The following GBE1 variants were observed in gnomAD, a reference collection of about 807,000 sequenced individuals.
The protein encoded by GBE1 is 1,4-alpha-glucan branching enzyme 1.
In GBE1, 70 loss-of-function variants were observed where a neutral mutation model predicts 88.8. That is an observed-to-expected ratio of 0.79 (90% CI 0.65 to 0.96). The LOEUF is 0.96. Ranked by LOEUF, GBE1 falls within the 40% of genes least tolerant of loss-of-function variation. The probability of loss-of-function intolerance (pLI) is 0.00; values close to 1 mark genes in which losing one functional copy is unlikely to be tolerated. For missense variants in GBE1, 872 were observed against 871.0 expected, an observed-to-expected ratio of 1.00 and a Z score of -0.01; for synonymous variants, 284 against 300.1, an observed-to-expected ratio of 0.95 and a Z score of 0.56.
At chr3:81,687,422 G>C (rs1331010520) in intron 2 of GBE1, among the ~76,000 whole-genome samples, 3 of 152,104 alleles carry the variant, frequency 2.0e-5, no homozygotes, top group Admixed American at 1.3e-4. Flanking sequence ...AATATATAGA[G>C]ATATTTTTAA....
At chr3:81,710,325 C>G (rs1465563010) in intron 1 of GBE1, among the ~76,000 whole-genome samples, 2 of 145,704 alleles carry the variant, frequency 1.4e-5, no homozygotes, top group African/African-American at 5.1e-5. Flanking sequence ...AGCTCCGCCT[C>G]CCAGGTTCAC....
chr3:81,679,137 A>G (rs924796216), intron 2 of GBE1, among the ~76,000 whole-genome samples: 2 of 152,182 alleles, frequency 1.3e-5, no homozygotes, highest in African/African-American at 4.8e-5. Flanking sequence ...ATTATTCTAC[A>G]GAGTAAAATA....
At chr3:81,599,467 A>C (rs1704003477) in intron 7 of GBE1, among the ~76,000 whole-genome samples, 1 of 152,162 alleles carries the variant, frequency 6.6e-6, no homozygotes, top group African/African-American at 2.4e-5. Flanking sequence ...CTTAGATGGG[A>C]GAGCCTACTA....
At chr3:81,511,905 C>T (rs115637240) in intron 14 of GBE1, among the ~76,000 whole-genome samples, 126 of 150,580 alleles carry the variant, frequency 8.4e-4, no homozygotes, top group Middle Eastern at 7.0e-3. Flanking sequence ...GTATGTTTAT[C>T]ACAATACGAT....
intron 11 of GBE1, among the ~76,000 whole-genome samples, chr3:81,580,379 T>A (rs1703709306): frequency 6.6e-6 from 1 of 152,088 alleles, no homozygotes; most frequent in Non-Finnish European, 1.5e-5. Flanking sequence ...ACAACTAATT[T>A]TTCCCTACAT....
chr3:81,515,473 G>A (rs182483976), intron 14 of GBE1, among the ~76,000 whole-genome samples: 63 of 151,492 alleles, frequency 4.2e-4, no homozygotes, highest in African/African-American at 1.2e-3. Context: ...CCTACTGGCC[G>A]TTCCCTTGTC....
At chr3:81,546,554 T>G (rs111778809) in intron 12 of GBE1, among the ~76,000 whole-genome samples, 1 of 151,122 alleles carries the variant, frequency 6.6e-6, no homozygotes, top group Non-Finnish European at 1.5e-5. Flanking sequence ...CAGATTGCAG[T>G]AAAGAAGCCA....
intron 12 of GBE1, among the ~76,000 whole-genome samples, chr3:81,541,412 TA>T (rs11359773): frequency 0.27 from 40,576 of 150,592 alleles, 5,710 homozygotes; most frequent in East Asian, 0.44. Flanking sequence ...CACATGCTTA[TA>T]ATCTACAGCA....
intron 1 of GBE1, among the ~76,000 whole-genome samples, chr3:81,737,754 TTTTG>T (rs1310714023): frequency 4.6e-5 from 7 of 152,108 alleles, no homozygotes; most frequent in East Asian, 3.8e-4. Flanking sequence ...ATTTTTTTAT[TTTTG>T]TTTATTATTA....
At chr3:81,519,060 T>C (rs958766392) in intron 14 of GBE1, among the ~76,000 whole-genome samples, 2 of 151,586 alleles carry the variant, frequency 1.3e-5, no homozygotes, top group African/African-American at 4.8e-5. Context: ...TTTTATTTGT[T>C]GCAAAAAGCA....
intron 1 of GBE1, among the ~76,000 whole-genome samples, chr3:81,758,432 G>C (rs1206285578): frequency 6.6e-6 from 1 of 152,222 alleles, no homozygotes; most frequent in Non-Finnish European, 1.5e-5. Flanking sequence ...GTAAGAAATA[G>C]TGCATAGTTC....
rs991554924 is a variant in GBE1, at chr3:81,693,529, G to A, written c.313+11915C>T. ...TAGGAAGAAACCATCCATTTCCTCC[G>A]CTAGAAGAGAAGGTTATTGTCCCTC... On this transcript the variant is annotated intron_variant, in intron 2 of 15. Coordinates refer to ENST00000429644, the MANE Select transcript of GBE1 (RefSeq NM_000158.4). 4.1e-4 allele frequency among the ~76,000 whole-genome samples: 63 copies of A among 152,030 alleles called. 1 individual carries two copies. The highest frequency in any genetic ancestry group is 3.2e-3 in the Middle Eastern group (1 of 316).
At chr3:81,544,555 G>A (rs562411737) in intron 12 of GBE1, among the ~76,000 whole-genome samples, 1 of 152,250 alleles carries the variant, frequency 6.6e-6, no homozygotes, top group South Asian at 2.1e-4. Flanking sequence ...CTAGAAATGA[G>A]AAATCTGAAA....
intron 1 of GBE1, among the ~76,000 whole-genome samples, chr3:81,719,069 A>G (rs1705983401): frequency 6.6e-6 from 1 of 152,230 alleles, no homozygotes; most frequent in African/African-American, 2.4e-5. Context: ...ATTCTGCTCT[A>G]GGTAAGTGTG....
chr3:81,506,010 C>T (rs1293570925), intron 14 of GBE1, among the ~76,000 whole-genome samples: 2 of 151,916 alleles, frequency 1.3e-5, no homozygotes, highest in Non-Finnish European at 2.9e-5. Flanking sequence ...AGGACACAGG[C>T]GAGGGCAAAG....
intron 1 of GBE1, among the ~76,000 whole-genome samples, chr3:81,715,159 CTCT>C (rs1189484118): frequency 1.3e-5 from 2 of 152,178 alleles, no homozygotes; most frequent in Non-Finnish European, 2.9e-5. Flanking sequence ...AAATTCCTCA[CTCT>C]TCTTCTTTAA....
intron 2 of GBE1, among the ~76,000 whole-genome samples, chr3:81,681,354 T>C (rs1438168053): frequency 3.3e-5 from 5 of 152,190 alleles, no homozygotes; most frequent in Non-Finnish European, 7.3e-5. Flanking sequence ...GCCATATCAC[T>C]ATCAACTGCA....
chr3:81,662,935 C>T (rs747102627), intron 3 of GBE1, among the ~76,000 whole-genome samples: 14 of 152,066 alleles, frequency 9.2e-5, no homozygotes, highest in Non-Finnish European at 1.8e-4. Context: ...GAAGCAAGTA[C>T]GTGAGGTAGA....
chr3:81,631,521 G>A (rs759937722), intron 7 of GBE1, among the ~76,000 whole-genome samples: 1 of 151,926 alleles, frequency 6.6e-6, no homozygotes, highest in Non-Finnish European at 1.5e-5. Flanking sequence ...CAGATCACAA[G>A]GTCAGGAGAT....
Sources: gnomAD v4.1 joint callset for allele counts (sites outside exome capture counted in the v4.1 genomes callset) on GRCh38, gnomAD v4.1.1 for gene constraint, MANE v1.5 for transcripts, NCBI Gene and HGNC (gene_info 2026-07-23, HGNC 2026-07-21) for gene names.